The following MAGOHB variants were observed in gnomAD, a reference collection of about 807,000 sequenced individuals.
The protein encoded by MAGOHB is protein mago nashi homolog 2.
A neutral mutation model predicts 20.9 loss-of-function variants in MAGOHB; 15 were observed. The observed-to-expected ratio is 0.72, with a 90% confidence interval of 0.48 to 1.11. The LOEUF (loss-of-function observed/expected upper bound fraction) is 1.11. MAGOHB is among the 50% of genes least tolerant of loss of function. MAGOHB has a pLI of 0.00. For synonymous variants in MAGOHB, 50 were observed against 57.9 expected, an observed-to-expected ratio of 0.86 and a Z score of 0.62; for missense variants, 162 against 177.6, an observed-to-expected ratio of 0.91 and a Z score of 0.50.
At chr12:10,601,533 G>A (rs1029775493), downstream of MAGOHB, among the ~76,000 whole-genome samples, 94 of 152,200 alleles carry the variant, frequency 6.2e-4, 1 homozygote, top group Non-Finnish European at 1.3e-3. Context: ...TGTGACTTCA[G>A]GCAAGTTACT....
intron 1 of MAGOHB, among the ~76,000 whole-genome samples, chr12:10,612,238 AACAT>A: frequency 6.7e-6 from 1 of 149,618 alleles, no homozygotes; most frequent in Non-Finnish European, 1.5e-5. Flanking sequence ...AACATAACAT[AACAT>A]AACATAATTA....
intron 1 of MAGOHB, among the ~76,000 whole-genome samples, chr12:10,611,771 A>AAAAAAAAAAAAAG (rs1555146555): frequency 2.1e-5 from 2 of 93,086 alleles, no homozygotes; most frequent in Admixed American, 1.5e-4. Flanking sequence ...AAAAAAAAAA[A>AAAAAAAAAAAAAG]AAAAGAAAAG....
intron 4 of MAGOHB, 126 bp downstream of exon 4, chr12:10,607,728 G>A (rs184434348): frequency 9.6e-6 from 6 of 623,912 alleles, no homozygotes; most frequent in Admixed American, 3.4e-5. Flanking sequence ...ATAAAAATCA[G>A]GATTACATCT....
chr12:10,606,442 C>A, intron 4 of MAGOHB, 68 bp from the exon 5 acceptor site: 2 of 761,640 alleles, frequency 2.6e-6, no homozygotes, highest in Non-Finnish European at 2.1e-6. Context: ...ATGCCTAAAA[C>A]AAAACAAATC....
chr12:10,612,242 T>C (rs1250096711), intron 1 of MAGOHB, among the ~76,000 whole-genome samples: 1 of 138,322 alleles, frequency 7.2e-6, no homozygotes. Flanking sequence ...TAACATAACA[T>C]AACATAATTA....
chr12:10,612,814 C>T (rs1232656397), intron 1 of MAGOHB: 1 of 1,288,336 alleles, frequency 7.8e-7, no homozygotes, highest in Non-Finnish European at 1.0e-6. Flanking sequence ...AGCAGTTTCA[C>T]CTCATCCTCT....
At chr12:10,601,665 T>C (rs1414778754), downstream of MAGOHB, among the ~76,000 whole-genome samples, 1 of 152,206 alleles carries the variant, frequency 6.6e-6, no homozygotes, top group Admixed American at 6.5e-5. Context: ...ACCTGGCATA[T>C]ATATGGTGGG....
chr12:10,609,994 A>T, intron 2 of MAGOHB, 53 bp from the exon 3 acceptor site: 2 of 985,056 alleles, frequency 2.0e-6, no homozygotes, highest in East Asian at 5.3e-5. Flanking sequence ...TCACCCCTCA[A>T]CTCAGAAAGA....
intron 2 of MAGOHB, among the ~76,000 whole-genome samples, chr12:10,610,358 A>AACAG (rs1865702324): frequency 6.6e-6 from 1 of 152,158 alleles, no homozygotes; most frequent in South Asian, 2.1e-4. Flanking sequence ...CAGCTTGGGT[A>AACAG]ACAGAGCGAG....
intron 1 of MAGOHB, among the ~76,000 whole-genome samples, chr12:10,612,228 AACATAACATAACATAACAT>A (rs1403417650): frequency 2.7e-5 from 4 of 149,890 alleles, no homozygotes; most frequent in African/African-American, 1.0e-4. Context: ...AACATAACAT[AACATAACATAACATAACAT>A]AATTAGCTGG....
intron 2 of MAGOHB, among the ~76,000 whole-genome samples, chr12:10,610,232 T>G (rs1461204142): frequency 6.6e-6 from 1 of 152,182 alleles, no homozygotes; most frequent in African/African-American, 2.4e-5. Flanking sequence ...GGTTAACTTG[T>G]GTCATCACAA....
At position 10,612,898 on chromosome 12, in the gene MAGOHB, T is replaced by C. The variant is rs866046024; in HGVS notation, c.94+541A>G. 10 of 1,289,158 alleles carry C rather than the reference T, an allele frequency of 7.8e-6. No homozygotes were observed. The Middle Eastern group carries it at 1.5e-3, about 192-fold the overall frequency. 79.9% of individuals were successfully genotyped at this position (1,289,158 alleles called of 1,614,324 possible). Reference sequence around the variant, plus strand: ...CTCATTTCGAGACTCATCTCAAGAGTGCCGTCCTCTAAGAAGATCTTCCTG... The same window carrying C: ...CTCATTTCGAGACTCATCTCAAGAGCGCCGTCCTCTAAGAAGATCTTCCTG... On this transcript the variant is annotated intron_variant, in intron 1 of 4. Transcript: ENST00000320756.
chr12:10,606,556 G>C (rs1475680770), intron 4 of MAGOHB, among the ~76,000 whole-genome samples, 182 bp from the exon 5 acceptor site: 1 of 151,892 alleles, frequency 6.6e-6, no homozygotes, highest in Non-Finnish European at 1.5e-5. Context: ...CGAAAAAATA[G>C]TTTCTTCATC....
intron 2 of MAGOHB, 40 bp from the exon 3 acceptor site, chr12:10,609,981 A>G (rs569370348): frequency 1.8e-6 from 2 of 1,125,872 alleles, no homozygotes; most frequent in South Asian, 2.9e-5. Flanking sequence ...ATGCCCACCT[A>G]TGTCACCCCT....
In MAGOHB at chr12:10,604,409, T is replaced by C. The variant is rs115103564; in HGVS notation, c.*1866A>G. The stretch of plus-strand genomic sequence containing the variant: ...AATGACCTAGTCTCCCATCTTGGTT[T>C]AAATATGAGAAATTCTAGTAGATAG... On this transcript the variant is annotated 3_prime_UTR_variant, in exon 5 of 5. Coordinates refer to ENST00000320756, the MANE Select transcript of MAGOHB (RefSeq NM_018048.5). The C allele has an allele frequency of 4.5e-4, 69 of 152,364 alleles. No homozygotes were observed. Among genetic ancestry groups the C allele is most frequent in the African/African-American group, 1.7e-3 (69 of 41,590 alleles). The allele number at this position is 152,364 out of a possible 1,614,324, so 9.4% of individuals were successfully genotyped here.
chr12:10,609,633 T>C (rs1865687212), intron 3 of MAGOHB, 198 bp downstream of exon 3: 2 of 567,288 alleles, frequency 3.5e-6, no homozygotes, highest in African/African-American at 3.8e-5. Context: ...AATTTAGAGC[T>C]ATGCACTGAC....
chr12:10,604,623 A>G lies in MAGOHB; in HGVS notation c.*1652T>C, dbSNP rs1865592386. On this transcript the variant is annotated 3_prime_UTR_variant, in exon 5 of 5. Coordinates refer to ENST00000320756, the MANE Select transcript of MAGOHB (RefSeq NM_018048.5). ...ACTGTGGGCCTACTGGAAGTTCAAA[A>G]GACGATTGTTCCTGTTTCTGAGGTT... The G allele has an allele frequency of 6.6e-6, 1 of 152,236 alleles. No individual in the cohort carries two copies. Among genetic ancestry groups the G allele is most frequent in the South Asian group, 2.1e-4 (1 of 4,832 alleles). The allele number at this position is 152,236 out of a possible 1,614,324, so 9.4% of individuals were successfully genotyped here. A position where few individuals can be genotyped will look rare whatever the true frequency, so the allele number is the denominator to read the frequency against.
At chr12:10,607,346 AT>A (rs146819636) in intron 4 of MAGOHB, among the ~76,000 whole-genome samples, 2,364 of 152,312 alleles carry the variant, frequency 0.016, 71 homozygotes, top group African/African-American at 0.053. Flanking sequence ...ATGGGCACAA[AT>A]AAAAATAAGT....
chr12:10,611,747 CAAAAAA>C lies in MAGOHB; in HGVS notation c.95-1073_95-1068del, dbSNP rs1042294332. Among the ~76,000 whole-genome samples the C allele has an allele frequency of 4.3e-4, 12 of 27,694 alleles. No homozygotes were observed. In the East Asian group the frequency reaches 0.011, roughly 25 times the overall value. The allele number at this position is 27,694 out of a possible 152,430, so 18.2% of individuals were successfully genotyped here. Reference sequence around the variant, plus strand: ...TGGACGACAGAGCAAGACTCTGTCTCAAAAAAAAAAAAAAAAAAAAAAAAAAAAGAA... The same window carrying C: ...TGGACGACAGAGCAAGACTCTGTCTCAAAAAAAAAAAAAAAAAAAAAAGAA... On this transcript the variant is annotated intron_variant, in intron 1 of 4. Coordinates refer to ENST00000320756, the MANE Select transcript of MAGOHB (RefSeq NM_018048.5).
Sources: allele counts gnomAD v4.1 joint callset (sites outside exome capture counted in the v4.1 genomes callset), GRCh38; gene constraint gnomAD v4.1.1; transcripts MANE v1.5; gene names NCBI Gene and HGNC (gene_info 2026-07-23, HGNC 2026-07-21).